The following MAP3K1 variants were observed in gnomAD, a reference collection of about 807,000 sequenced individuals.
The protein encoded by MAP3K1 is mitogen-activated protein kinase kinase kinase 1.
In MAP3K1, 36 loss-of-function variants were observed where a neutral mutation model predicts 144.2. That is an observed-to-expected ratio of 0.25 (90% confidence interval 0.19 to 0.33). The LOEUF is 0.33. MAP3K1 is among the 10% of genes least tolerant of loss of function. The pLI is 1.00. For synonymous variants in MAP3K1, 718 were observed against 688.7 expected (o/e 1.04, Z -0.67); for missense variants, 1,650 against 1,881.9 (o/e 0.88, Z 2.28).
At chr5:56,849,799 G>T (rs1747113016) in intron 1 of MAP3K1, among the ~76,000 whole-genome samples, 1 of 152,170 alleles carries the variant, frequency 6.6e-6, no homozygotes, top group African/African-American at 2.4e-5. Flanking sequence ...TCAGATCTAG[G>T]TCAACAGATT....
rs571580235 is a variant in MAP3K1, at chr5:56,844,336, T to C, written c.483-12264T>C. Among the ~76,000 whole-genome samples the C allele has an allele frequency of 1.2e-3, 175 of 151,928 alleles. 1 individual carries two copies. Among genetic ancestry groups the C allele is most frequent in the Admixed American group, 2.6e-3 (39 of 15,268 alleles). ...CTGGGACTACAGGTGCCCGCCACCA[T>C]GCCCGGCTATTTTTTTGTATTTTTA... is the stretch of plus-strand genomic sequence containing the variant. On this transcript the variant is annotated intron_variant, in intron 1 of 19. Transcript: ENST00000399503.
At chr5:56,825,440 T>G (rs1204576115) in intron 1 of MAP3K1, among the ~76,000 whole-genome samples, 3 of 152,228 alleles carry the variant, frequency 2.0e-5, no homozygotes, top group African/African-American at 7.2e-5. Flanking sequence ...TCATTGATAC[T>G]GTGGTGCCTA....
intron 11 of MAP3K1, 31 bp downstream of exon 11, chr5:56,879,132 C>A (rs974974240): frequency 1.2e-6 from 2 of 1,613,446 alleles, no homozygotes. Context: ...CACTTCAAAC[C>A]CTCTTGTCTT....
chr5:56,836,785 G>C (rs1387866374), intron 1 of MAP3K1, among the ~76,000 whole-genome samples: 1 of 152,104 alleles, frequency 6.6e-6, no homozygotes, highest in African/African-American at 2.4e-5. Context: ...TGAAGGAAAG[G>C]GACCCAGGAG....
At chr5:56,864,984 A>G (rs1747633756) in intron 4 of MAP3K1, 50 bp downstream of exon 4, 1 of 1,500,924 alleles carries the variant, frequency 6.7e-7, no homozygotes, top group African/African-American at 1.4e-5. Context: ...ATATGGTACT[A>G]CCTCAAATTT....
intron 3 of MAP3K1, among the ~76,000 whole-genome samples, chr5:56,860,690 T>C (rs538080437): frequency 1.3e-5 from 2 of 151,962 alleles, no homozygotes; most frequent in South Asian, 4.2e-4. Context: ...TCATCTCTAC[T>C]AAAAATACAG....
chr5:56,834,509 C>A (rs573856070), intron 1 of MAP3K1, among the ~76,000 whole-genome samples: 1 of 152,068 alleles, frequency 6.6e-6, no homozygotes, highest in African/African-American at 2.4e-5. Flanking sequence ...GTCAGGAGTT[C>A]GAGACCAGCC....
At chr5:56,872,297 A>G (rs866457960) in intron 7 of MAP3K1, among the ~76,000 whole-genome samples, 2 of 152,200 alleles carry the variant, frequency 1.3e-5, no homozygotes, top group Non-Finnish European at 2.9e-5. Context: ...AACAATTTCA[A>G]TCTGGAAGGT....
chr5:56,820,695 G>C lies in MAP3K1; in HGVS notation c.482+4640G>C, dbSNP rs796866124. ...CACAGGAAGAGAAACTTTTACTATT[G>C]CTAGACCCTACCCCTTTGTTATTGT... On this transcript the variant is annotated intron_variant, in intron 1 of 19. Transcript: ENST00000399503. 5.5e-5 allele frequency: 54 copies of C among 985,226 alleles called. No homozygotes were observed. In the African/African-American group the frequency reaches 8.5e-4, roughly 16 times the overall value. The allele number at this position is 985,226 out of a possible 1,614,324, so 61.0% of individuals were successfully genotyped here.
At chr5:56,859,179 G>A (rs1364646871) in intron 2 of MAP3K1, among the ~76,000 whole-genome samples, 1 of 134,878 alleles carries the variant, frequency 7.4e-6, no homozygotes, top group Non-Finnish European at 1.6e-5. Context: ...ACCTATTATT[G>A]TAATATAACA....
chr5:56,886,429 T>C (rs555731102), intron 17 of MAP3K1, among the ~76,000 whole-genome samples: 78 of 152,246 alleles, frequency 5.1e-4, no homozygotes, highest in Non-Finnish European at 8.8e-4. Flanking sequence ...AATGGACCTT[T>C]GTTGATAGTT....
intron 2 of MAP3K1, 73 bp downstream of exon 2, chr5:56,856,823 C>G: frequency 6.8e-7 from 1 of 1,474,034 alleles, no homozygotes; most frequent in Non-Finnish European, 9.5e-7. Flanking sequence ...ATAAATAGAT[C>G]CTCTTGTAAG....
Position 56,896,053 on chromosome 5 carries a change from ATATTT to A in MAP3K1, c.*2376_*2380del, listed in dbSNP as rs1305829501. 4.4e-6 allele frequency: 1 copy of A among 227,630 alleles called. No homozygotes were observed. The highest frequency in any genetic ancestry group is 8.7e-6 in the Non-Finnish European group (1 of 114,960). The allele number at this position is 227,630 out of a possible 1,614,324, so 14.1% of individuals were successfully genotyped here. On this transcript the variant is annotated 3_prime_UTR_variant, in exon 20 of 20. Coordinates refer to ENST00000399503, the MANE Select transcript of MAP3K1 (RefSeq NM_005921.2). ...CCTTTGTTATTTTAAATATATTGAG[ATATTT>A]TAATTAAAATTTTTACCCCATTGAA... is the stretch of plus-strand genomic sequence containing the variant.
intron 1 of MAP3K1, among the ~76,000 whole-genome samples, chr5:56,844,837 G>A (rs534585049): frequency 6.6e-6 from 1 of 151,678 alleles, no homozygotes; most frequent in Non-Finnish European, 1.5e-5. Context: ...TGAACGGAGT[G>A]GTTTGCTAGC....
At chr5:56,887,349 AC>A in intron 17 of MAP3K1, 28 bp from the exon 18 acceptor site, 1 of 1,613,566 alleles carries the variant, frequency 6.2e-7, no homozygotes. Flanking sequence ...TTTTTAACAT[AC>A]AAGGTCATTT....
In MAP3K1 at chr5:56,874,389, A is replaced by G. The variant is rs541898487; in HGVS notation, c.1687-643A>G. Among the ~76,000 whole-genome samples, 20 of 152,336 alleles carry G rather than the reference A, an allele frequency of 1.3e-4. No homozygotes were observed. The East Asian group carries it at 3.5e-3, about 26-fold the overall frequency. On this transcript the variant is annotated intron_variant, in intron 9 of 19. Coordinates refer to ENST00000399503, the MANE Select transcript of MAP3K1 (RefSeq NM_005921.2). ...GGTATTGACGACGATAACAGCATAT[A>G]CTATAATTCTACGTCTACATTTATC...
Position 56,822,922 on chromosome 5 carries a change from G to T in MAP3K1, c.482+6867G>T, listed in dbSNP as rs549830583. 2.0e-5 allele frequency among the ~76,000 whole-genome samples: 3 copies of T among 152,264 alleles called. No individual in the cohort carries two copies. The South Asian group carries it at 6.2e-4, about 32-fold the overall frequency. The stretch of plus-strand genomic sequence containing the variant: ...CAGATTCAGACCATCCTTAGGTGCT[G>T]GCAGTTTGACCTGTTATCACACCCC... On this transcript the variant is annotated intron_variant, in intron 1 of 19. Coordinates refer to ENST00000399503, the MANE Select transcript of MAP3K1 (RefSeq NM_005921.2).
chr5:56,872,600 C>A (rs760451750), intron 7 of MAP3K1, 41 bp from the exon 8 acceptor site: 6 of 1,115,930 alleles, frequency 5.4e-6, no homozygotes, highest in Non-Finnish European at 8.2e-6. Flanking sequence ...TAATGTTAAA[C>A]ATTTACATTT....
intron 1 of MAP3K1, among the ~76,000 whole-genome samples, chr5:56,822,979 T>G (rs1285198838): frequency 2.6e-5 from 4 of 152,200 alleles, no homozygotes; most frequent in African/African-American, 9.7e-5. Flanking sequence ...TCATTTCCAC[T>G]AACTTAGTGG....
Sources: allele counts gnomAD v4.1 joint callset (sites outside exome capture counted in the v4.1 genomes callset), GRCh38; gene constraint gnomAD v4.1.1; transcripts MANE v1.5; gene names NCBI Gene and HGNC (gene_info 2026-07-23, HGNC 2026-07-21).